KCNN1: variants seen among roughly 807,000 people sequenced by gnomAD.
KCNN1 encodes the protein small conductance calcium-activated potassium channel protein 1.
Under a neutral mutation model 44.7 loss-of-function variants are expected in KCNN1, and 20 were observed. The observed-to-expected ratio is 0.45, with a 90% CI of 0.32 to 0.65. KCNN1 has a LOEUF of 0.65. Among genes scored for constraint, KCNN1 ranks in the 30% least tolerant of loss-of-function variants. KCNN1 has a pLI of 0.05. For synonymous variants in KCNN1, 324 were observed against 341.7 expected (o/e 0.95, Z 0.57); for missense variants, 632 against 785.3 (o/e 0.80, Z 2.33).
At chr19:17,984,298 C>T (rs777788174) in intron 4 of KCNN1, among the ~76,000 whole-genome samples, 2 of 152,128 alleles carry the variant, frequency 1.3e-5, no homozygotes, top group Non-Finnish European at 2.9e-5. Flanking sequence ...TTGGGGAGCC[C>T]CCATCTCCTT....
intron 7 of KCNN1, among the ~76,000 whole-genome samples, chr19:17,992,732 G>T (rs1002710401): frequency 3.3e-5 from 5 of 152,224 alleles, no homozygotes; most frequent in African/African-American, 1.2e-4. Context: ...TTCAAATCCT[G>T]CCGGGGTGCG....
chr19:17,961,577 TCTTTCTTTC>T (rs1306136567), intron 2 of KCNN1, among the ~76,000 whole-genome samples: 1 of 79,178 alleles, frequency 1.3e-5, no homozygotes, highest in Non-Finnish European at 2.6e-5. Flanking sequence ...TTTCTTTCTT[TCTTTCTTTC>T]TTTTTTTTTT....
chr19:17,988,348 A>G, intron 5 of KCNN1, 67 bp from the exon 6 acceptor site: 1 of 1,322,084 alleles, frequency 7.6e-7, no homozygotes, highest in Non-Finnish European at 1.1e-6. Context: ...CAATCTGGGC[A>G]GGCTTCCTGG....
In KCNN1 at chr19:17,993,038, T is replaced by G; in HGVS notation, c.1299-16T>G. 1 of 1,613,560 alleles carries G rather than the reference T, an allele frequency of 6.2e-7. No individual in the cohort carries two copies. Among genetic ancestry groups the G allele is most frequent in the Non-Finnish European group, 8.5e-7 (1 of 1,179,736 alleles). ...TTGCCTTGTGATTTTTCTCCTGCTC[T>G]GCCCGGTCCTGCCAGGGCTCAGAAG... On this transcript the variant is annotated splice_polypyrimidine_tract_variant and intron_variant, in intron 7 of 9. Transcript: ENST00000684775. This position sits in a 1 kb window ranked among gnomAD's most constrained non-coding sequence, Gnocchi z 4.5.
rs1014298893 is a variant in KCNN1 at position 17,998,453 on chromosome 19, C to T, written c.*47C>T. 14 of 1,443,512 alleles carry T rather than the reference C, an allele frequency of 9.7e-6. No individual in the cohort carries two copies. Among genetic ancestry groups the T allele is most frequent in the African/African-American group, 1.4e-5 (1 of 69,992 alleles). 89.4% of individuals were successfully genotyped at this position (1,443,512 alleles called of 1,614,324 possible). ...CCCTAAATCTTGGCCATCGTGTGGC[C>T]GCCACCTCCGGGAAGCCTTGTACAG... is the stretch of plus-strand genomic sequence containing the variant. On this transcript the variant is annotated 3_prime_UTR_variant, in exon 10 of 10. Transcript: ENST00000684775. The surrounding 1 kb of genome is among the most constrained non-coding windows in gnomAD (Gnocchi z 5.4).
In KCNN1 at chr19:17,999,965, C is replaced by T. The variant is rs1382493251; in HGVS notation, c.*1559C>T. Reference sequence around the variant, plus strand: ...CTGAGCAGTGGCTGCCCCTCTGGGGCCTTGGTTGTTTCATCTGTAAAATGG... The same window carrying T: ...CTGAGCAGTGGCTGCCCCTCTGGGGTCTTGGTTGTTTCATCTGTAAAATGG... On this transcript the variant is annotated 3_prime_UTR_variant, in exon 10 of 10. Coordinates refer to ENST00000684775, the MANE Select transcript of KCNN1 (RefSeq NM_001386974.1). The T allele has an allele frequency of 2.2e-6, 1 of 455,776 alleles. No homozygotes were observed. The highest frequency in any genetic ancestry group is 2.0e-5 in the African/African-American group (1 of 50,046). 28.2% of individuals were successfully genotyped at this position (455,776 alleles called of 1,614,324 possible).
intron 7 of KCNN1, among the ~76,000 whole-genome samples, chr19:17,990,851 G>A (rs181202818): frequency 4.2e-4 from 63 of 151,508 alleles, no homozygotes; most frequent in African/African-American, 1.3e-3. Context: ...GAAATTGCTT[G>A]ATTCCCTATG....
At chr19:17,979,649 C>T (rs1336434171) in intron 3 of KCNN1, among the ~76,000 whole-genome samples, 1 of 151,942 alleles carries the variant, frequency 6.6e-6, no homozygotes, top group East Asian at 1.9e-4. Flanking sequence ...CCCCTCATCT[C>T]CCCTAGGACT....
intron 6 of KCNN1, 98 bp from the exon 7 acceptor site, chr19:17,989,618 C>G: frequency 1.3e-6 from 2 of 1,571,712 alleles, no homozygotes; most frequent in Non-Finnish European, 1.7e-6. Flanking sequence ...AGAGGCATTT[C>G]CAGAAGTTTC....
chr19:17,989,074 C>G (rs1483923102), intron 6 of KCNN1, among the ~76,000 whole-genome samples: 5 of 152,128 alleles, frequency 3.3e-5, no homozygotes, highest in Non-Finnish European at 5.9e-5. Context: ...TTGAGAGCTG[C>G]CTGACCCTAG....
At chr19:17,985,139 G>A (rs890805651) in intron 4 of KCNN1, among the ~76,000 whole-genome samples, 173 bp from the exon 5 acceptor site, 9 of 152,114 alleles carry the variant, frequency 5.9e-5, no homozygotes, top group Non-Finnish European at 1.3e-4. Flanking sequence ...AGGGAATGTG[G>A]AAGGGCTGTA....
At chr19:17,986,669 T>C (rs76398747) in intron 5 of KCNN1, among the ~76,000 whole-genome samples, 2 of 152,210 alleles carry the variant, frequency 1.3e-5, no homozygotes, top group Non-Finnish European at 2.9e-5. Context: ...GTTTTATTTT[T>C]ATGTTTTTAT....
chr19:17,977,641 T>G (rs1010748822), intron 3 of KCNN1, among the ~76,000 whole-genome samples: 1 of 152,106 alleles, frequency 6.6e-6, no homozygotes. Context: ...TGAGCCACTA[T>G]GCCTGGCCTG....
Position 17,999,612 on chromosome 19 carries a change from A to G in KCNN1, c.*1206A>G. On this transcript the variant is annotated 3_prime_UTR_variant, in exon 10 of 10. Coordinates refer to ENST00000684775, the MANE Select transcript of KCNN1 (RefSeq NM_001386974.1). ...CAGAGAGACCCTTCAGGGGTGGGCT[A>G]CAGGGGAGGGTTCCAGACACAAGTA... The G allele has an allele frequency of 5.3e-6, 1 of 190,098 alleles. No individual in the cohort carries two copies. Among genetic ancestry groups the G allele is most frequent in the South Asian group, 8.7e-5 (1 of 11,508 alleles). The allele number at this position is 190,098 out of a possible 1,614,324, so 11.8% of individuals were successfully genotyped here.
chr19:17,968,412 C>T (rs1035072320), intron 1 of KCNN1, among the ~76,000 whole-genome samples: 3 of 124,482 alleles, frequency 2.4e-5, no homozygotes, highest in Non-Finnish European at 3.4e-5. Context: ...CACCAACCCT[C>T]GTAGTGGGGG....
intron 6 of KCNN1, 84 bp downstream of exon 6, chr19:17,988,609 G>A (rs553677715): frequency 2.8e-5 from 29 of 1,039,030 alleles, no homozygotes; most frequent in Middle Eastern, 4.0e-4. Flanking sequence ...TGTACGTGCC[G>A]GGCATGCTCA....
intron 1 of KCNN1, among the ~76,000 whole-genome samples, chr19:17,954,185 C>T (rs765838337): frequency 4.6e-5 from 7 of 152,100 alleles, no homozygotes; most frequent in African/African-American, 1.7e-4. Flanking sequence ...CAAGCCAGAG[C>T]GCAGATCTGC....
At chr19:17,954,904 G>A (rs540859726) in intron 2 of KCNN1, among the ~76,000 whole-genome samples, 1 of 152,046 alleles carries the variant, frequency 6.6e-6, no homozygotes, top group Non-Finnish European at 1.5e-5. Flanking sequence ...CGGGGATGGT[G>A]GTGGGCACCT....
At chr19:17,987,836 C>CAAAAAA (rs973068020) in intron 5 of KCNN1, among the ~76,000 whole-genome samples, 1 of 54,574 alleles carries the variant, frequency 1.8e-5, no homozygotes, top group Non-Finnish European at 3.8e-5. Context: ...ATATCGCTAC[C>CAAAAAA]AAAAAAAAAA....
Sources: allele counts gnomAD v4.1 joint callset (sites outside exome capture counted in the v4.1 genomes callset), GRCh38; gene constraint gnomAD v4.1.1; non-coding constraint Gnocchi (gnomAD v3.1); transcripts MANE v1.5; gene names NCBI Gene and HGNC (gene_info 2026-07-23, HGNC 2026-07-21).